Variants in DOCK5 observed in about 807,000 individuals in gnomAD.
The protein encoded by DOCK5 is dedicator of cytokinesis 5, also known as dedicator of cytokinesis protein 5.
In DOCK5, 142 loss-of-function variants were observed where a neutral mutation model predicts 251.8. The observed-to-expected ratio is 0.56, with a 90% CI of 0.49 to 0.65. The LOEUF (loss-of-function observed/expected upper bound fraction) is 0.65. DOCK5 is among the 30% of genes least tolerant of loss of function. The probability of loss-of-function intolerance (pLI) is 0.00; values close to 1 mark genes in which losing one functional copy is unlikely to be tolerated. For synonymous variants in DOCK5, 842 were observed against 835.5 expected (o/e 1.01, Z -0.13); for missense variants, 2,111 against 2,312.3 (o/e 0.91, Z 1.79).
rs1801693402 is a variant in DOCK5, at chr8:25,415,587, C to T, written c.*4289C>T. 1 of 152,176 alleles carries T rather than the reference C, an allele frequency of 6.6e-6. No homozygotes were observed. Among genetic ancestry groups the T allele is most frequent in the Non-Finnish European group, 1.5e-5 (1 of 68,036 alleles). The allele number at this position is 152,176 out of a possible 1,614,324, so 9.4% of individuals were successfully genotyped here. Reference sequence around the variant, plus strand: ...TAAACTTTGTCAAAAATGCCTTTGCCATGATTTTGTTGCTATCTGGATTTC... The same window carrying T: ...TAAACTTTGTCAAAAATGCCTTTGCTATGATTTTGTTGCTATCTGGATTTC... On this transcript the variant is annotated 3_prime_UTR_variant, in exon 52 of 52. Coordinates refer to ENST00000276440, the MANE Select transcript of DOCK5 (RefSeq NM_024940.8).
rs369406386 is a variant in DOCK5 at position 25,188,171 on chromosome 8, T to C, written c.43+3220T>C. 6.6e-5 allele frequency among the ~76,000 whole-genome samples: 10 copies of C among 152,162 alleles called. No homozygotes were observed. In the East Asian group the frequency reaches 1.2e-3, roughly 18 times the overall value. ...AGGCATAACATCTCATTCACCCCAA[T>C]ATGAGTTGAATTTTGTTTGGTTAGA... On this transcript the variant is annotated intron_variant, in intron 1 of 51. Transcript: ENST00000276440.
chr8:25,203,891 A>G (rs1173234014), intron 1 of DOCK5, among the ~76,000 whole-genome samples: 3 of 152,244 alleles, frequency 2.0e-5, no homozygotes, highest in African/African-American at 7.2e-5. Flanking sequence ...TAGGAAAAGT[A>G]CAGCATCTCA....
At chr8:25,374,985 T>C in intron 37 of DOCK5, 1 of 1,180,106 alleles carries the variant, frequency 8.5e-7, no homozygotes, top group African/African-American at 1.6e-5. Flanking sequence ...AGATGAGTTA[T>C]AAGTGAATAT....
At chr8:25,409,968 A>G (rs1801590996) in intron 50 of DOCK5, 131 bp from the exon 51 acceptor site, 1 of 711,314 alleles carries the variant, frequency 1.4e-6, no homozygotes, top group South Asian at 1.9e-5. Flanking sequence ...TTCTATCCGC[A>G]GAAACCATAG....
intron 3 of DOCK5, 74 bp downstream of exon 3, chr8:25,268,959 C>A: frequency 7.9e-7 from 1 of 1,261,712 alleles, no homozygotes; most frequent in Non-Finnish European, 1.1e-6. Context: ...ATGTGACCCT[C>A]TCCTCTGCTC....
intron 1 of DOCK5, among the ~76,000 whole-genome samples, chr8:25,207,796 C>G (rs963607702): frequency 6.6e-6 from 1 of 152,048 alleles, no homozygotes; most frequent in Non-Finnish European, 1.5e-5. Context: ...ATACTGCAGC[C>G]CATGGATCAA....
At position 25,294,605 on chromosome 8, in the gene DOCK5, A is replaced by G. The variant is rs114111160; in HGVS notation, c.471-1908A>G. The stretch of plus-strand genomic sequence containing the variant: ...GCCGTTAGTATTCCCAAGCATATGC[A>G]GAGCTACAACTTCACACACAGCCAG... On this transcript the variant is annotated intron_variant, in intron 6 of 51. Coordinates refer to ENST00000276440, the MANE Select transcript of DOCK5 (RefSeq NM_024940.8). Among the ~76,000 whole-genome samples the G allele has an allele frequency of 6.1e-3, 935 of 152,300 alleles. 5 individuals carry two copies. Among genetic ancestry groups the G allele is most frequent in the African/African-American group, 0.022 (905 of 41,564 alleles).
chr8:25,376,411 C>G (rs1800964552), intron 37 of DOCK5: 1 of 975,530 alleles, frequency 1.0e-6, no homozygotes, highest in Admixed American at 6.2e-5. Context: ...GAGGGAATCT[C>G]TTTCTAGATT....
At position 25,245,087 on chromosome 8, in the gene DOCK5, C is replaced by T. The variant is rs1186406936; in HGVS notation, c.127+1330C>T. ...TTATTTATTTTTTGAGACGGAGTCT[C>T]GCTCTGTCGCCCAGGCTGGAGTGCA... On this transcript the variant is annotated intron_variant, in intron 2 of 51. Transcript: ENST00000276440. 1.3e-4 allele frequency among the ~76,000 whole-genome samples: 20 copies of T among 152,330 alleles called. No homozygotes were observed. The South Asian group carries it at 2.1e-3, about 16-fold the overall frequency.
intron 36 of DOCK5, among the ~76,000 whole-genome samples, chr8:25,373,986 A>G (rs1800919708): frequency 6.6e-6 from 1 of 152,226 alleles, no homozygotes; most frequent in South Asian, 2.1e-4. Context: ...ATCCCTGAAC[A>G]TGAAACAAAC....
intron 40 of DOCK5, among the ~76,000 whole-genome samples, chr8:25,383,628 G>T (rs1801108197): frequency 6.6e-6 from 1 of 152,182 alleles, no homozygotes; most frequent in South Asian, 2.1e-4. Context: ...GCTGAGGCAG[G>T]CAGATCACTT....
intron 2 of DOCK5, among the ~76,000 whole-genome samples, chr8:25,267,059 C>T (rs1803775550): frequency 6.6e-6 from 1 of 152,106 alleles, no homozygotes; most frequent in Non-Finnish European, 1.5e-5. Flanking sequence ...CCCACTCTGC[C>T]CTTTTCCCAG....
At chr8:25,363,209 G>C in intron 29 of DOCK5, 68 bp downstream of exon 29, 1 of 1,357,866 alleles carries the variant, frequency 7.4e-7, no homozygotes, top group Non-Finnish European at 1.0e-6. Flanking sequence ...TGAACTTTGG[G>C]AAATGTCTTT....
chr8:25,249,994 T>A (rs1388746037), intron 2 of DOCK5, among the ~76,000 whole-genome samples: 2 of 152,258 alleles, frequency 1.3e-5, no homozygotes, highest in Non-Finnish European at 1.5e-5. Context: ...GTCGTTTAGA[T>A]GTTTCAGCTA....
intron 1 of DOCK5, among the ~76,000 whole-genome samples, chr8:25,187,604 A>G (rs1313197552): frequency 2.6e-5 from 4 of 151,786 alleles, no homozygotes; most frequent in Non-Finnish European, 4.4e-5. Flanking sequence ...GCTTATGTTT[A>G]TGTCACCTCC....
chr8:25,335,320 G>A (rs943972742), intron 21 of DOCK5, among the ~76,000 whole-genome samples: 3 of 152,052 alleles, frequency 2.0e-5, no homozygotes, highest in Non-Finnish European at 4.4e-5. Context: ...TGATCATACC[G>A]AGCCAAATGC....
At chr8:25,229,125 G>A (rs543900086) in intron 1 of DOCK5, among the ~76,000 whole-genome samples, 1 of 152,060 alleles carries the variant, frequency 6.6e-6, no homozygotes, top group African/African-American at 2.4e-5. Context: ...GAACTTGAAG[G>A]CAACGAAAAG....
chr8:25,200,647 C>T (rs1801858873), intron 1 of DOCK5, among the ~76,000 whole-genome samples: 1 of 152,122 alleles, frequency 6.6e-6, no homozygotes. Context: ...AACATAAGAG[C>T]ACATTTTTGT....
chr8:25,311,458 G>T (rs567213551), intron 13 of DOCK5, among the ~76,000 whole-genome samples: 9 of 150,462 alleles, frequency 6.0e-5, no homozygotes, highest in African/African-American at 2.2e-4. Flanking sequence ...CAGGAGAATC[G>T]CTGAAAACCG....
Sources: allele counts gnomAD v4.1 joint callset (sites outside exome capture counted in the v4.1 genomes callset), GRCh38; gene constraint gnomAD v4.1.1; transcripts MANE v1.5; gene names NCBI Gene and HGNC (gene_info 2026-07-23, HGNC 2026-07-21).